ERBB4: variants seen among roughly 807,000 people sequenced by gnomAD.
The protein encoded by ERBB4 is erb-b2 receptor tyrosine kinase 4.
Under a neutral mutation model 158.0 loss-of-function variants are expected in ERBB4, and 42 were observed. The observed-to-expected ratio is 0.27, with a 90% confidence interval of 0.21 to 0.34. The LOEUF (loss-of-function observed/expected upper bound fraction) is 0.34. Ranked by LOEUF, ERBB4 falls within the 10% of genes least tolerant of loss-of-function variation. ERBB4 has a pLI of 1.00. For missense variants in ERBB4, 1,333 were observed against 1,624.1 expected (o/e 0.82, Z 3.08); for synonymous variants, 583 against 558.7 (o/e 1.04, Z -0.61).
intron 3 of ERBB4, among the ~76,000 whole-genome samples, chr2:211,942,608 T>G (rs1235510166): frequency 6.6e-6 from 1 of 152,126 alleles, no homozygotes; most frequent in African/African-American, 2.4e-5. Context: ...TTCGGTATTC[T>G]ACTTTTTGTT....
rs1007141638 is a variant in ERBB4 at position 212,247,906 on chromosome 2, G to A, written c.83-123003C>T. ...TTGAACCTGGGAAGCAGAGGCCGCA[G>A]TGAGCCGAGATCACACCACTGCACA... On this transcript the variant is annotated intron_variant, in intron 1 of 27. Transcript: ENST00000342788. Among the ~76,000 whole-genome samples the A allele has an allele frequency of 2.0e-5, 3 of 151,678 alleles. No individual in the cohort carries two copies. The East Asian group carries it at 5.9e-4, about 30-fold the overall frequency.
intron 12 of ERBB4, among the ~76,000 whole-genome samples, chr2:211,697,927 ACAT>A (rs1277634146): frequency 1.3e-5 from 2 of 152,256 alleles, no homozygotes; most frequent in African/African-American, 4.8e-5. Context: ...AACTAGATAC[ACAT>A]CATGGCAGTA....
At position 211,383,853 on chromosome 2, in the gene ERBB4, G is replaced by T. The variant is rs2125310381; in HGVS notation, c.3689C>A (p.Pro1230Gln). 2.5e-6 allele frequency: 4 copies of T among 1,614,094 alleles called. No individual in the cohort carries two copies. Among genetic ancestry groups the T allele is most frequent in the Non-Finnish European group, 3.4e-6 (4 of 1,180,022 alleles). The change falls in exon 28 of 28, where the codon CCA (proline) becomes CAA (glutamine). Residue 1230 changes from proline (P) to glutamine (Q), a missense_variant. Coordinates refer to ENST00000342788, the MANE Select transcript of ERBB4 (RefSeq NM_005235.3). ...GTCAAACGCTTTCTTGGCCTTCTCT[G>T]GCATTGACAGTATGTTGTTCTTCAG... ...EYLKNNILSM[P>Q]EKAKKAFDNP...
intron 19 of ERBB4, among the ~76,000 whole-genome samples, chr2:211,605,621 A>G (rs2125822337): frequency 6.6e-6 from 1 of 152,276 alleles, no homozygotes; most frequent in Middle Eastern, 3.4e-3. Flanking sequence ...CAGTAAATAA[A>G]TAGAGGCTAT....
intron 2 of ERBB4, among the ~76,000 whole-genome samples, chr2:211,980,981 C>T (rs1165319771): frequency 1.3e-5 from 2 of 151,856 alleles, no homozygotes; most frequent in African/African-American, 4.8e-5. Flanking sequence ...ATCTCGATAC[C>T]GCTCCCCACC....
chr2:211,497,093 G>T (rs567840312), intron 20 of ERBB4, among the ~76,000 whole-genome samples: 1 of 152,186 alleles, frequency 6.6e-6, no homozygotes, highest in East Asian at 1.9e-4. Flanking sequence ...TTGAATGCAT[G>T]CATGAGCAGA....
At chr2:211,875,024 G>GAAAAAA (rs2078455547) in intron 3 of ERBB4, among the ~76,000 whole-genome samples, 1 of 5,600 alleles carries the variant, frequency 1.8e-4, no homozygotes, top group African/African-American at 1.1e-3. Flanking sequence ...AAATAGAAAT[G>GAAAAAA]CAAAAAAAAA....
At chr2:211,570,532 G>GA (rs71054112) in intron 19 of ERBB4, among the ~76,000 whole-genome samples, 102,992 of 146,034 alleles carry the variant, frequency 0.71, 38,306 homozygotes, top group East Asian at 0.89. Context: ...TCTGGGCAGG[G>GA]AAAAAAAAAA....
intron 12 of ERBB4, among the ~76,000 whole-genome samples, chr2:211,699,610 G>A (rs2073156886): frequency 6.6e-6 from 1 of 151,966 alleles, no homozygotes; most frequent in African/African-American, 2.4e-5. Flanking sequence ...AAAATGATAT[G>A]CTTGATACTA....
At chr2:211,688,686 A>G (rs536506354) in intron 12 of ERBB4, among the ~76,000 whole-genome samples, 2 of 152,322 alleles carry the variant, frequency 1.3e-5, no homozygotes, top group South Asian at 2.1e-4. Context: ...TTTACAGACA[A>G]AATTTTTCAC....
At chr2:212,447,521 C>T (rs2092379459) in intron 1 of ERBB4, among the ~76,000 whole-genome samples, 1 of 152,090 alleles carries the variant, frequency 6.6e-6, no homozygotes, top group Admixed American at 6.6e-5. Flanking sequence ...TTTTCATAAA[C>T]ATTCTTAGGT....
intron 2 of ERBB4, among the ~76,000 whole-genome samples, chr2:211,984,314 T>C (rs1415556783): frequency 6.6e-6 from 1 of 152,180 alleles, no homozygotes; most frequent in Non-Finnish European, 1.5e-5. Flanking sequence ...TAGGTTCTAA[T>C]GTATGAATCT....
chr2:211,629,543 C>G (rs1215034303), intron 17 of ERBB4, among the ~76,000 whole-genome samples: 1 of 152,168 alleles, frequency 6.6e-6, no homozygotes, highest in African/African-American at 2.4e-5. Flanking sequence ...TTGGAAAAAA[C>G]TACTTTAAAA....
At chr2:211,857,805 T>C (rs959641331) in intron 3 of ERBB4, among the ~76,000 whole-genome samples, 9 of 152,196 alleles carry the variant, frequency 5.9e-5, no homozygotes, top group African/African-American at 2.2e-4. Flanking sequence ...AGAGGCAAGA[T>C]GATTGTTTGA....
intron 2 of ERBB4, among the ~76,000 whole-genome samples, chr2:212,073,947 T>C (rs557241261): frequency 2.6e-5 from 4 of 152,154 alleles, no homozygotes; most frequent in African/African-American, 9.6e-5. Flanking sequence ...ACTGAAATGA[T>C]GCCCTGGACA....
intron 3 of ERBB4, among the ~76,000 whole-genome samples, chr2:211,796,176 A>G (rs1349130523): frequency 6.6e-6 from 1 of 151,874 alleles, no homozygotes; most frequent in African/African-American, 2.4e-5. Context: ...ATGTCACTCT[A>G]TCAGAACCCT....
At chr2:212,196,986 A>G (rs1389045407) in intron 1 of ERBB4, among the ~76,000 whole-genome samples, 3 of 152,134 alleles carry the variant, frequency 2.0e-5, no homozygotes, top group Non-Finnish European at 4.4e-5. Flanking sequence ...ATTCTCCCAT[A>G]GAACTGATGT....
intron 20 of ERBB4, among the ~76,000 whole-genome samples, chr2:211,457,394 T>C (rs1188752569): frequency 1.3e-5 from 2 of 152,242 alleles, no homozygotes; most frequent in Non-Finnish European, 2.9e-5. Context: ...TTTGATGAAG[T>C]ATCATATGTG....
rs573857079 is a variant in ERBB4, at chr2:212,312,400, T to C, written c.83-187497A>G. 2.6e-5 allele frequency among the ~76,000 whole-genome samples: 4 copies of C among 151,096 alleles called. No homozygotes were observed. The South Asian group carries it at 8.3e-4, about 31-fold the overall frequency. ...AATTAGAAATTATGCAGTTTGTCCA[T>C]GAAATTGTGTATTATCCATCTTCCA... On this transcript the variant is annotated intron_variant, in intron 1 of 27. Transcript: ENST00000342788.
Sources: allele counts gnomAD v4.1 joint callset (sites outside exome capture counted in the v4.1 genomes callset), GRCh38; gene constraint gnomAD v4.1.1; transcripts MANE v1.5; gene names NCBI Gene and HGNC (gene_info 2026-07-23, HGNC 2026-07-21).